The following TENM3 variants were observed in gnomAD, a reference collection of about 807,000 sequenced individuals.
TENM3 encodes the protein teneurin-3.
In TENM3, 63 loss-of-function variants were observed where a neutral mutation model predicts 255.1. That is an observed-to-expected ratio of 0.25 (90% CI 0.20 to 0.30). The LOEUF (loss-of-function observed/expected upper bound fraction) is 0.30, where lower values mean the gene tolerates loss of function less well. Among genes scored for constraint, TENM3 ranks in the 10% least tolerant of loss-of-function variants. The pLI is 1.00. For missense variants in TENM3, 2,929 were observed against 3,461.1 expected, an observed-to-expected ratio of 0.85 and a Z score of 3.86; for synonymous variants, 1,306 against 1,322.3, an observed-to-expected ratio of 0.99 and a Z score of 0.27.
At chr4:181,462,503 C>T in the TENM3 span, among the ~76,000 whole-genome samples, 1 of 152,132 alleles carries the variant, frequency 6.6e-6, no homozygotes, top group African/African-American at 2.4e-5. Flanking sequence ...TTTCTTTTCT[C>T]TCAAGGATCA....
At chr4:182,050,434 A>G in the TENM3 span, among the ~76,000 whole-genome samples, 1 of 152,266 alleles carries the variant, frequency 6.6e-6, no homozygotes, top group South Asian at 2.1e-4. Flanking sequence ...ACAGTGATTC[A>G]TGATACAGCA....
At chr4:182,118,184 G>T in the TENM3 span, among the ~76,000 whole-genome samples, 19 of 151,770 alleles carry the variant, frequency 1.3e-4, no homozygotes, top group African/African-American at 4.6e-4. Flanking sequence ...AGGTTTTTTT[G>T]TCAGTTCTTT....
chr4:182,259,097 G>A (rs746201631), intron 1 of TENM3, among the ~76,000 whole-genome samples: 77 of 152,210 alleles, frequency 5.1e-4, no homozygotes, highest in Non-Finnish European at 5.4e-4. Flanking sequence ...AAAAGATGGT[G>A]AAGGTGTATT....
chr4:181,888,133 G>A, the TENM3 span, among the ~76,000 whole-genome samples: 9 of 152,068 alleles, frequency 5.9e-5, no homozygotes, highest in East Asian at 1.2e-3. Context: ...AGGTTTAAGC[G>A]ATTCTCATGC....
At chr4:182,541,482 A>G (rs377326791) in intron 3 of TENM3, among the ~76,000 whole-genome samples, 72 of 152,332 alleles carry the variant, frequency 4.7e-4, no homozygotes, top group African/African-American at 1.0e-3. Context: ...GGTGGTGCAA[A>G]CATTTTCAAT....
chr4:181,712,607 T>A, the TENM3 span, among the ~76,000 whole-genome samples: 767 of 152,284 alleles, frequency 5.0e-3, 8 homozygotes, highest in Middle Eastern at 6.8e-3. Flanking sequence ...AATAAACTAA[T>A]AAGCCCTATT....
the TENM3 span, among the ~76,000 whole-genome samples, chr4:181,499,150 T>C: frequency 0.86 from 131,610 of 152,174 alleles, 57,191 homozygotes; most frequent in South Asian, 0.96. Flanking sequence ...TGACCACTTC[T>C]AACTCCATGA....
intron 2 of TENM3, among the ~76,000 whole-genome samples, chr4:182,325,005 A>G (rs1309504461): frequency 6.6e-6 from 1 of 152,132 alleles, no homozygotes; most frequent in Non-Finnish European, 1.5e-5. Flanking sequence ...TTTTTATTAG[A>G]CATACATAGT....
chr4:182,701,855 C>T (rs1048918338), intron 12 of TENM3, among the ~76,000 whole-genome samples: 3 of 152,302 alleles, frequency 2.0e-5, no homozygotes, highest in Admixed American at 6.5e-5. Flanking sequence ...TATAAACTTA[C>T]ACCATTCTGC....
At chr4:181,917,663 C>CTTTT in the TENM3 span, among the ~76,000 whole-genome samples, 7 of 127,468 alleles carry the variant, frequency 5.5e-5, no homozygotes, top group African/African-American at 1.8e-4. Flanking sequence ...TTTTTTTTTT[C>CTTTT]TTTTTTTTTT....
chr4:181,586,479 C>A, the TENM3 span, among the ~76,000 whole-genome samples: 1 of 152,076 alleles, frequency 6.6e-6, no homozygotes, highest in Non-Finnish European at 1.5e-5. Flanking sequence ...AGGCAATCTG[C>A]GAAAATGGGG....
At chr4:182,543,308 A>G (rs193247938) in intron 3 of TENM3, among the ~76,000 whole-genome samples, 3 of 152,332 alleles carry the variant, frequency 2.0e-5, no homozygotes, top group Admixed American at 1.3e-4. Context: ...TACAGAGTGT[A>G]TTTATTTGAA....
At chr4:181,457,600 A>G in the TENM3 span, among the ~76,000 whole-genome samples, 1 of 151,846 alleles carries the variant, frequency 6.6e-6, no homozygotes, top group Non-Finnish European at 1.5e-5. Flanking sequence ...AAACAGGCTT[A>G]CTGGAGCTCC....
chr4:182,616,001 C>T lies in TENM3; in HGVS notation c.750-12650C>T, dbSNP rs143505825. Among the ~76,000 whole-genome samples, 262 of 152,302 alleles carry T rather than the reference C, an allele frequency of 1.7e-3. 1 individual carries two copies. Among genetic ancestry groups the T allele is most frequent in the African/African-American group, 5.9e-3 (244 of 41,574 alleles). On this transcript the variant is annotated intron_variant, in intron 4 of 27. Transcript: ENST00000511685. Reference sequence around the variant, plus strand: ...GATTCTCAGAGTGTGGTTCCTGGAGCAGCCCCGTCAGTTGCTGGGGTTTCA... The same window carrying T: ...GATTCTCAGAGTGTGGTTCCTGGAGTAGCCCCGTCAGTTGCTGGGGTTTCA...
chr4:182,176,081 G>A (rs879508433), intron 1 of TENM3, among the ~76,000 whole-genome samples: 2 of 152,152 alleles, frequency 1.3e-5, no homozygotes, highest in Non-Finnish European at 2.9e-5. Context: ...TAGTGAGTTA[G>A]GTCTTGTGGA....
chr4:181,609,920 C>A, the TENM3 span, among the ~76,000 whole-genome samples: 1,300 of 150,468 alleles, frequency 8.6e-3, 24 homozygotes, highest in African/African-American at 0.03. Context: ...CATAAAAGGT[C>A]TTTTGAAGAA....
chr4:181,564,033 CTTTTTTCTT>C, the TENM3 span, among the ~76,000 whole-genome samples: 846 of 49,434 alleles, frequency 0.017, 4 homozygotes, highest in Middle Eastern at 0.042. Context: ...CTTTTCTTTT[CTTTTTTCTT>C]TTTTTTTTTT....
At chr4:182,157,131 T>G (rs1421502824) in intron 1 of TENM3, among the ~76,000 whole-genome samples, 1 of 152,186 alleles carries the variant, frequency 6.6e-6, no homozygotes, top group African/African-American at 2.4e-5. Flanking sequence ...GCCTTGAAAC[T>G]CTGAGACACT....
intron 3 of TENM3, among the ~76,000 whole-genome samples, chr4:182,475,473 TGTA>T (rs1372636699): frequency 6.6e-6 from 1 of 152,164 alleles, no homozygotes; most frequent in Non-Finnish European, 1.5e-5. Flanking sequence ...TGATGGAAGT[TGTA>T]GTGAACAAAT....
Sources: gnomAD v4.1 joint callset for allele counts (sites outside exome capture counted in the v4.1 genomes callset) on GRCh38, gnomAD v4.1.1 for gene constraint, MANE v1.5 for transcripts, NCBI Gene and HGNC (gene_info 2026-07-23, HGNC 2026-07-21) for gene names.